GRIA1: variants seen among roughly 807,000 people sequenced by gnomAD.
GRIA1 encodes glutamate receptor 1.
GRIA1 carries 31 observed loss-of-function variants against 99.2 expected under a neutral mutation model. The observed-to-expected ratio is 0.31, with a 90% CI of 0.23 to 0.42. The LOEUF is 0.42. GRIA1 is among the 10% of genes least tolerant of loss of function. The pLI, the probability that GRIA1 is intolerant of heterozygous loss-of-function variation, is 1.00. For synonymous variants in GRIA1, 438 were observed against 432.4 expected, an observed-to-expected ratio of 1.01 and a Z score of -0.16; for missense variants, 782 against 1,157.5, an observed-to-expected ratio of 0.68 and a Z score of 4.71.
chr5:153,566,785 C>T (rs573563541), intron 2 of GRIA1, among the ~76,000 whole-genome samples: 4 of 131,732 alleles, frequency 3.0e-5, no homozygotes, highest in African/African-American at 1.1e-4. Flanking sequence ...GGCACAATCT[C>T]GGCTTACTGC....
At chr5:153,732,944 G>A (rs936572905) in intron 11 of GRIA1, among the ~76,000 whole-genome samples, 1 of 91,006 alleles carries the variant, frequency 1.1e-5, no homozygotes, top group Non-Finnish European at 2.2e-5. Flanking sequence ...TTTTTTCTTT[G>A]CATGTGGACA....
chr5:153,795,227 A>G (rs1477357346), intron 14 of GRIA1, among the ~76,000 whole-genome samples: 2 of 152,032 alleles, frequency 1.3e-5, no homozygotes, highest in East Asian at 1.9e-4. Flanking sequence ...TCAGCAGTAG[A>G]TGGTAGACGT....
In GRIA1 at chr5:153,634,329, A is replaced by G. The variant is rs141309393; in HGVS notation, c.221-12599A>G. On this transcript the variant is annotated intron_variant, in intron 2 of 15. Coordinates refer to ENST00000285900, the MANE Select transcript of GRIA1 (RefSeq NM_000827.4). ...TGAGACTCCATCTCAAAAAAAAAAA[A>G]GAAAAAAAAAAGAGTAGGATGAGTA... is the stretch of plus-strand genomic sequence containing the variant. Among the ~76,000 whole-genome samples the G allele has an allele frequency of 7.6e-4, 87 of 114,238 alleles. 1 individual carries two copies. Among genetic ancestry groups the G allele is most frequent in the African/African-American group, 1.2e-3 (45 of 37,558 alleles). The allele number at this position is 114,238 out of a possible 152,430, so 74.9% of individuals were successfully genotyped here.
intron 2 of GRIA1, among the ~76,000 whole-genome samples, chr5:153,511,205 G>A (rs998014004): frequency 1.3e-5 from 2 of 152,158 alleles, no homozygotes. Context: ...AACAAGTAAG[G>A]ATGGCTGACA....
chr5:153,589,399 G>A (rs1763770059), intron 2 of GRIA1, among the ~76,000 whole-genome samples: 1 of 152,034 alleles, frequency 6.6e-6, no homozygotes, highest in African/African-American at 2.4e-5. Context: ...TTTTAATTAA[G>A]TACATTTTTG....
intron 7 of GRIA1, among the ~76,000 whole-genome samples, chr5:153,678,187 G>A (rs186799999): frequency 1.3e-5 from 2 of 152,284 alleles, no homozygotes; most frequent in East Asian, 3.9e-4. Flanking sequence ...GGCTCCTTGG[G>A]GAGAAGAGGA....
chr5:153,615,907 C>A (rs905206711), intron 2 of GRIA1, among the ~76,000 whole-genome samples: 1 of 152,144 alleles, frequency 6.6e-6, no homozygotes, highest in African/African-American at 2.4e-5. Context: ...GAGTCTGGAA[C>A]CAATGATGCC....
chr5:153,572,886 G>A (rs1187241626), intron 2 of GRIA1, among the ~76,000 whole-genome samples: 7 of 152,184 alleles, frequency 4.6e-5, no homozygotes, highest in East Asian at 3.9e-4. Context: ...CGTTGGCATG[G>A]GAAGAGGGAG....
At chr5:153,673,000 G>A (rs543853859) in intron 5 of GRIA1, among the ~76,000 whole-genome samples, 1 of 152,132 alleles carries the variant, frequency 6.6e-6, no homozygotes, top group South Asian at 2.1e-4. Context: ...CTTCCTGCTG[G>A]GCAGGCCCCC....
intron 2 of GRIA1, among the ~76,000 whole-genome samples, chr5:153,588,753 C>A (rs1763715060): frequency 6.6e-6 from 1 of 152,106 alleles, no homozygotes; most frequent in South Asian, 2.1e-4. Flanking sequence ...ATACAGCCTA[C>A]TCACTATCTC....
At chr5:153,589,344 G>A (rs1763764464) in intron 2 of GRIA1, among the ~76,000 whole-genome samples, 1 of 152,122 alleles carries the variant, frequency 6.6e-6, no homozygotes, top group African/African-American at 2.4e-5. Context: ...CTCTTCAAAT[G>A]TGAATTAATT....
rs149131248 is a variant in GRIA1, at chr5:153,546,312, G to A, written c.220+52247G>A. On this transcript the variant is annotated intron_variant, in intron 2 of 15. Coordinates refer to ENST00000285900, the MANE Select transcript of GRIA1 (RefSeq NM_000827.4). ...CAAAGTTAAATGGCTGGAAGTCACA[G>A]GGAGCTCTGTTATGGCTAGTTGTAA... 2.2e-3 allele frequency among the ~76,000 whole-genome samples: 336 copies of A among 152,286 alleles called. 1 individual carries two copies. Among genetic ancestry groups the A allele is most frequent in the African/African-American group, 7.7e-3 (320 of 41,552 alleles).
intron 5 of GRIA1, among the ~76,000 whole-genome samples, chr5:153,664,743 C>T (rs1474478111): frequency 3.3e-5 from 5 of 152,128 alleles, no homozygotes; most frequent in African/African-American, 1.2e-4. Flanking sequence ...AGTAAATGGA[C>T]AAATAAATGA....
chr5:153,769,795 T>A (rs1308618641), intron 12 of GRIA1, among the ~76,000 whole-genome samples: 3 of 152,056 alleles, frequency 2.0e-5, no homozygotes, highest in Non-Finnish European at 4.4e-5. Flanking sequence ...TCCACTGATA[T>A]TCAGCTTTCT....
At chr5:153,751,363 T>C (rs1255595329) in intron 11 of GRIA1, among the ~76,000 whole-genome samples, 4 of 152,382 alleles carry the variant, frequency 2.6e-5, no homozygotes, top group Non-Finnish European at 5.9e-5. Context: ...TGTCAACTAC[T>C]GTTGCATATT....
chr5:153,674,684 G>T, intron 6 of GRIA1, 23 bp downstream of exon 6: 1 of 1,612,292 alleles, frequency 6.2e-7, no homozygotes, highest in Non-Finnish European at 8.5e-7. Flanking sequence ...GCAGCCAGCA[G>T]CAAAGGGCCA....
chr5:153,622,020 A>T (rs760476166), intron 2 of GRIA1, among the ~76,000 whole-genome samples: 1 of 152,208 alleles, frequency 6.6e-6, no homozygotes, highest in Non-Finnish European at 1.5e-5. Context: ...TCTCTAGCCA[A>T]GAGTTCTCCT....
chr5:153,785,021 C>T (rs1255497088), intron 13 of GRIA1, among the ~76,000 whole-genome samples: 1 of 152,130 alleles, frequency 6.6e-6, no homozygotes, highest in Admixed American at 6.5e-5. Context: ...AAAAAATCCA[C>T]CCAGAGAAGG....
At chr5:153,593,441 A>C (rs559528462) in intron 2 of GRIA1, among the ~76,000 whole-genome samples, 102 of 152,244 alleles carry the variant, frequency 6.7e-4, no homozygotes, top group South Asian at 5.2e-3. Flanking sequence ...TTTTGACTGT[A>C]CTATGGCAGA....
Sources: allele counts gnomAD v4.1 joint callset (sites outside exome capture counted in the v4.1 genomes callset), GRCh38; gene constraint gnomAD v4.1.1; transcripts MANE v1.5; gene names NCBI Gene and HGNC (gene_info 2026-07-23, HGNC 2026-07-21).